The following MECOM variants were observed in gnomAD, a reference collection of about 807,000 sequenced individuals.
The protein encoded by MECOM is histone-lysine N-methyltransferase MECOM.
In MECOM, 13 loss-of-function variants were observed where a neutral mutation model predicts 116.3. The ratio of observed to expected loss-of-function variants is 0.11; its 90% CI spans 0.07 to 0.18. MECOM has a LOEUF of 0.18. Among genes scored for constraint, MECOM ranks in the 10% least tolerant of loss-of-function variants. The probability of loss-of-function intolerance (pLI) is 1.00; values close to 1 mark genes in which losing one functional copy is unlikely to be tolerated. For missense variants in MECOM, 1,299 were observed against 1,509.0 expected, an observed-to-expected ratio of 0.86 and a Z score of 2.31; for synonymous variants, 528 against 535.2, an observed-to-expected ratio of 0.99 and a Z score of 0.19.
At chr3:169,345,487 C>T (rs1385001496) in intron 2 of MECOM, among the ~76,000 whole-genome samples, 1 of 152,110 alleles carries the variant, frequency 6.6e-6, no homozygotes, top group African/African-American at 2.4e-5. Flanking sequence ...AAAACCAGTA[C>T]TTCAATCACA....
chr3:169,425,197 C>G (rs1333142027), intron 1 of MECOM, among the ~76,000 whole-genome samples: 1 of 151,592 alleles, frequency 6.6e-6, no homozygotes, highest in Admixed American at 6.6e-5. Flanking sequence ...CTCAGAGGAC[C>G]TTGGAGCACT....
In MECOM at chr3:169,177,645, G is replaced by A. The variant is rs115561979; in HGVS notation, c.376-33813C>T. On this transcript the variant is annotated intron_variant, in intron 2 of 16. Coordinates refer to ENST00000651503, the MANE Select transcript of MECOM (RefSeq NM_004991.4). Reference sequence around the variant, plus strand: ...AATAAAAAGAATGAGGACCAGGCGCGGTTGCTCATGCTTGTAATCCCAGCA... The same window carrying A: ...AATAAAAAGAATGAGGACCAGGCGCAGTTGCTCATGCTTGTAATCCCAGCA... 2.7e-3 allele frequency among the ~76,000 whole-genome samples: 409 copies of A among 152,070 alleles called. 3 individuals are homozygous for A. The highest frequency in any genetic ancestry group is 6.6e-3 in the African/African-American group (275 of 41,508).
chr3:169,326,772 G>T (rs1663501115), intron 2 of MECOM, among the ~76,000 whole-genome samples: 1 of 152,038 alleles, frequency 6.6e-6, no homozygotes, highest in Non-Finnish European at 1.5e-5. Context: ...AATATGTTTG[G>T]GTGTGTAACA....
At position 169,343,278 on chromosome 3, in the gene MECOM, C is replaced by T. The variant is rs531263840; in HGVS notation, c.375+37909G>A. On this transcript the variant is annotated intron_variant, in intron 2 of 16. Transcript: ENST00000651503. ...TAACTCGTTGGGACTTCAGAGGGCT[C>T]GCAGAGGCAGGAGACAACAATTAGT... 1.2e-4 allele frequency among the ~76,000 whole-genome samples: 18 copies of T among 152,194 alleles called. No homozygotes were observed. In the East Asian group the frequency reaches 3.5e-3, roughly 29 times the overall value.
intron 1 of MECOM, among the ~76,000 whole-genome samples, chr3:169,507,705 A>C (rs1755435746): frequency 9.1e-6 from 1 of 110,040 alleles, no homozygotes; most frequent in Non-Finnish European, 1.7e-5. Flanking sequence ...TCTTTCGCCC[A>C]GGCTGGAGTG....
At chr3:169,338,647 G>A (rs1017665270) in intron 2 of MECOM, among the ~76,000 whole-genome samples, 24 of 149,396 alleles carry the variant, frequency 1.6e-4, no homozygotes, top group African/African-American at 5.4e-4. Flanking sequence ...AAGCATAGAA[G>A]CTGCAAGAAA....
chr3:169,167,233 G>A (rs529148768), intron 2 of MECOM, among the ~76,000 whole-genome samples: 43 of 152,138 alleles, frequency 2.8e-4, no homozygotes, highest in African/African-American at 9.4e-4. Flanking sequence ...ACTTTTTTCT[G>A]CATCTATTTG....
At chr3:169,582,577 C>T (rs1765245354) in intron 1 of MECOM, among the ~76,000 whole-genome samples, 1 of 152,106 alleles carries the variant, frequency 6.6e-6, no homozygotes. Flanking sequence ...GTTAAGTATC[C>T]ACTAAACAAA....
intron 1 of MECOM, among the ~76,000 whole-genome samples, chr3:169,467,558 C>G (rs897839532): frequency 6.6e-6 from 1 of 152,106 alleles, no homozygotes; most frequent in Non-Finnish European, 1.5e-5. Flanking sequence ...TTTTTATATA[C>G]CCTTGAGTGT....
chr3:169,432,438 G>A lies in MECOM; in HGVS notation c.38-50914C>T, dbSNP rs1291051743. Among the ~76,000 whole-genome samples the A allele has an allele frequency of 5.9e-5, 9 of 152,184 alleles. No homozygotes were observed. The East Asian group carries it at 7.7e-4, about 13-fold the overall frequency. ...CTCTCAAAGTGCTGGGATTATAGGC[G>A]TGAGCCACTGTGCCGGGCTGTCATT... On this transcript the variant is annotated intron_variant, in intron 1 of 16. Transcript: ENST00000651503.
At chr3:169,415,273 C>A (rs769175238) in intron 1 of MECOM, among the ~76,000 whole-genome samples, 10 of 152,140 alleles carry the variant, frequency 6.6e-5, no homozygotes, top group Non-Finnish European at 2.9e-5. Flanking sequence ...ATTTCATATC[C>A]AGCCAAACTA....
chr3:169,551,999 T>C (rs1174430139), intron 1 of MECOM, among the ~76,000 whole-genome samples: 1 of 151,948 alleles, frequency 6.6e-6, no homozygotes, highest in South Asian at 2.1e-4. Flanking sequence ...ATGTCCAGAA[T>C]AGGCAAATCC....
intron 1 of MECOM, among the ~76,000 whole-genome samples, chr3:169,518,730 A>G (rs1478280992): frequency 3.3e-5 from 5 of 152,168 alleles, no homozygotes; most frequent in Non-Finnish European, 7.3e-5. Context: ...CACAATTCCC[A>G]TGTGTCATGG....
intron 1 of MECOM, among the ~76,000 whole-genome samples, chr3:169,518,583 C>A (rs1053011467): frequency 6.6e-6 from 1 of 152,064 alleles, no homozygotes; most frequent in African/African-American, 2.4e-5. Context: ...TTTCACTTTA[C>A]CCCAGTTTTT....
intron 1 of MECOM, among the ~76,000 whole-genome samples, chr3:169,650,206 T>C (rs1470658579): frequency 6.6e-6 from 1 of 152,202 alleles, no homozygotes; most frequent in Non-Finnish European, 1.5e-5. Flanking sequence ...AATTTTCCCA[T>C]AGTCTGATTA....
chr3:169,572,635 T>A (rs575938720), intron 1 of MECOM, among the ~76,000 whole-genome samples: 1 of 152,284 alleles, frequency 6.6e-6, no homozygotes, highest in East Asian at 1.9e-4. Flanking sequence ...ATGTGGCACA[T>A]GTACACCAGG....
chr3:169,186,378 AAGGGAGGGAGGGAGGG>A (rs1180332102), intron 2 of MECOM, among the ~76,000 whole-genome samples: 59 of 39,758 alleles, frequency 1.5e-3, no homozygotes, highest in African/African-American at 4.7e-3. Context: ...GGAAGGAAGG[AAGGGAGGGAGGGAGGG>A]AGGGAGGGAG....
chr3:169,095,717 C>T (rs1012192131), intron 12 of MECOM, among the ~76,000 whole-genome samples: 3 of 152,048 alleles, frequency 2.0e-5, no homozygotes, highest in African/African-American at 7.2e-5. Context: ...AAAGAAAATT[C>T]CATTATCAGT....
At chr3:169,208,227 G>A (rs932854941) in intron 2 of MECOM, among the ~76,000 whole-genome samples, 4 of 148,998 alleles carry the variant, frequency 2.7e-5, no homozygotes, top group Non-Finnish European at 4.5e-5. Flanking sequence ...GTGTGTGTGT[G>A]TATATTTATA....
Sources: gnomAD v4.1 joint callset for allele counts (sites outside exome capture counted in the v4.1 genomes callset) on GRCh38, gnomAD v4.1.1 for gene constraint, MANE v1.5 for transcripts, NCBI Gene and HGNC (gene_info 2026-07-23, HGNC 2026-07-21) for gene names.